PAPPA2: variants seen among roughly 807,000 people sequenced by gnomAD.
PAPPA2 encodes the protein pappalysin 2.
Under a neutral mutation model 176.4 loss-of-function variants are expected in PAPPA2, and 86 were observed. That is an observed-to-expected ratio of 0.49 (90% CI 0.41 to 0.58). The LOEUF is 0.58. Ranked by LOEUF, PAPPA2 falls within the 20% of genes least tolerant of loss-of-function variation. The pLI, the probability that PAPPA2 is intolerant of heterozygous loss-of-function variation, is 0.00. For synonymous variants in PAPPA2, 809 were observed against 852.2 expected, an observed-to-expected ratio of 0.95 and a Z score of 0.88; for missense variants, 2,073 against 2,256.9, an observed-to-expected ratio of 0.92 and a Z score of 1.65.
chr1:176,665,869 A>G (rs1311257767), intron 3 of PAPPA2, among the ~76,000 whole-genome samples: 1 of 152,206 alleles, frequency 6.6e-6, no homozygotes, highest in African/African-American at 2.4e-5. Flanking sequence ...AGAACCACCA[A>G]TTACATTGAC....
chr1:176,667,323 G>A (rs1261939562), intron 3 of PAPPA2, among the ~76,000 whole-genome samples: 2 of 152,114 alleles, frequency 1.3e-5, no homozygotes, highest in African/African-American at 4.8e-5. Context: ...TTCCTCAGGC[G>A]ATGATAAGAG....
In PAPPA2 at chr1:176,698,454, G is replaced by A. The variant is rs191765870; in HGVS notation, c.2747-646G>A. On this transcript the variant is annotated intron_variant, in intron 7 of 22. Coordinates refer to ENST00000367662, the MANE Select transcript of PAPPA2 (RefSeq NM_020318.3). ...CCATGGAGCTGACTTTCATAGATTCGTGATATTTGATTTTTTATCATTACA... is the reference window on the plus strand; with the variant it reads ...CCATGGAGCTGACTTTCATAGATTCATGATATTTGATTTTTTATCATTACA... Among the ~76,000 whole-genome samples the A allele has an allele frequency of 1.7e-4, 26 of 152,124 alleles. 1 individual carries two copies. Among genetic ancestry groups the A allele is most frequent in the African/African-American group, 5.3e-4 (22 of 41,512 alleles).
Position 176,816,155 on chromosome 1 carries a change from T to C in PAPPA2, c.5202+16023T>C, listed in dbSNP as rs1166281510. Among the ~76,000 whole-genome samples, 118 of 21,810 alleles carry C rather than the reference T, an allele frequency of 5.4e-3. 2 individuals carry two copies. Among genetic ancestry groups the C allele is most frequent in the African/African-American group, 0.023 (106 of 4,522 alleles). 14.3% of individuals were successfully genotyped at this position (21,810 alleles called of 152,430 possible). ...AGATTTATTTTCCTTTCACAGTGTA[T>C]ATATATATATATATATATATATATA... On this transcript the variant is annotated intron_variant, in intron 21 of 22. Coordinates refer to ENST00000367662, the MANE Select transcript of PAPPA2 (RefSeq NM_020318.3).
intron 2 of PAPPA2, among the ~76,000 whole-genome samples, chr1:176,565,155 T>G (rs1371715613): frequency 2.0e-5 from 3 of 152,164 alleles, no homozygotes; most frequent in Non-Finnish European, 4.4e-5. Flanking sequence ...ATATACTACA[T>G]TTTGTGTATC....
chr1:176,517,204 C>T (rs1648964860), intron 1 of PAPPA2, among the ~76,000 whole-genome samples: 1 of 152,118 alleles, frequency 6.6e-6, no homozygotes, highest in Admixed American at 6.6e-5. Flanking sequence ...TTCCTGCCTG[C>T]CTTGCTTTGA....
chr1:176,691,374 T>C (rs1461801852), intron 5 of PAPPA2, among the ~76,000 whole-genome samples: 1 of 152,200 alleles, frequency 6.6e-6, no homozygotes, highest in Admixed American at 6.5e-5. Flanking sequence ...GATGTGTCTA[T>C]CTGAGTTTCA....
At position 176,618,185 on chromosome 1, in the gene PAPPA2, A is replaced by G. The variant is rs1426128343; in HGVS notation, c.1991+22590A>G. Among the ~76,000 whole-genome samples the G allele has an allele frequency of 3.9e-5, 6 of 152,282 alleles. No individual in the cohort carries two copies. The South Asian group carries it at 1.2e-3, about 32-fold the overall frequency. On this transcript the variant is annotated intron_variant, in intron 3 of 22. Transcript: ENST00000367662. ...CTTAGCCTTAGTTTTTCCACTTTGG[A>G]ATGTTGCAGATTTTTATATTAAGCT... is the stretch of plus-strand genomic sequence containing the variant.
chr1:176,725,295 T>G (rs1432792064), intron 12 of PAPPA2, among the ~76,000 whole-genome samples: 1 of 152,240 alleles, frequency 6.6e-6, no homozygotes, highest in African/African-American at 2.4e-5. Context: ...TGGGTCAGAT[T>G]TGGCTTGTGG....
At chr1:176,647,579 T>G (rs1316380305) in intron 3 of PAPPA2, among the ~76,000 whole-genome samples, 1 of 151,724 alleles carries the variant, frequency 6.6e-6, no homozygotes, top group East Asian at 1.9e-4. Flanking sequence ...CATTTTGATT[T>G]TATTTTTTGT....
intron 4 of PAPPA2, among the ~76,000 whole-genome samples, chr1:176,676,055 C>T (rs1000492644): frequency 2.6e-5 from 4 of 151,726 alleles, no homozygotes; most frequent in African/African-American, 9.7e-5. Flanking sequence ...ATCAGAAGAG[C>T]TAAAATAAAA....
chr1:176,735,432 A>G (rs1662353156), intron 12 of PAPPA2, among the ~76,000 whole-genome samples: 1 of 152,144 alleles, frequency 6.6e-6, no homozygotes, highest in Non-Finnish European at 1.5e-5. Context: ...AGGATCTGCT[A>G]TCCAGTGAGC....
At chr1:176,810,207 C>G (rs1315023695) in intron 21 of PAPPA2, among the ~76,000 whole-genome samples, 1 of 152,064 alleles carries the variant, frequency 6.6e-6, no homozygotes, top group Admixed American at 6.6e-5. Context: ...GATTTTCTCC[C>G]AAGATTACAT....
intron 2 of PAPPA2, among the ~76,000 whole-genome samples, chr1:176,591,117 AC>A (rs1653635675): frequency 6.6e-6 from 1 of 151,742 alleles, no homozygotes. Context: ...ACACACACAC[AC>A]ACACACAAAA....
At chr1:176,520,646 G>A (rs544935938) in intron 1 of PAPPA2, among the ~76,000 whole-genome samples, 33 of 152,330 alleles carry the variant, frequency 2.2e-4, no homozygotes, top group Middle Eastern at 6.8e-3. Context: ...GTTTCAAGAA[G>A]ACATGCAAAC....
intron 14 of PAPPA2, among the ~76,000 whole-genome samples, chr1:176,758,455 G>A (rs988042408): frequency 6.6e-5 from 10 of 152,136 alleles, no homozygotes; most frequent in African/African-American, 2.4e-4. Context: ...TTGGTGGTGG[G>A]AAAATTAAAT....
chr1:176,773,235 T>A (rs1664312980), intron 17 of PAPPA2, among the ~76,000 whole-genome samples: 1 of 152,206 alleles, frequency 6.6e-6, no homozygotes. Flanking sequence ...AAATCTTAGT[T>A]TACATCTGTT....
intron 3 of PAPPA2, among the ~76,000 whole-genome samples, chr1:176,641,783 C>G (rs927783172): frequency 1.3e-5 from 2 of 151,932 alleles, no homozygotes; most frequent in Admixed American, 6.6e-5. Context: ...CACTGTTTCT[C>G]ATAAAACTTA....
At chr1:176,490,139 G>A (rs552510174) in intron 1 of PAPPA2, among the ~76,000 whole-genome samples, 1 of 151,026 alleles carries the variant, frequency 6.6e-6, no homozygotes, top group East Asian at 2.0e-4. Context: ...TTTCTTTTAA[G>A]TGTCTTTTTT....
chr1:176,817,160 G>A (rs1666439610), intron 21 of PAPPA2, among the ~76,000 whole-genome samples: 2 of 151,986 alleles, frequency 1.3e-5, no homozygotes, highest in Admixed American at 1.3e-4. Flanking sequence ...ATAAATTTGG[G>A]GAAGATTTCA....
Sources: gnomAD v4.1 joint callset for allele counts (sites outside exome capture counted in the v4.1 genomes callset) on GRCh38, gnomAD v4.1.1 for gene constraint, MANE v1.5 for transcripts, NCBI Gene and HGNC (gene_info 2026-07-23, HGNC 2026-07-21) for gene names.